The following CPED1 variants were observed in gnomAD, a reference collection of about 807,000 sequenced individuals.
The protein encoded by CPED1 is cadherin-like and PC-esterase domain-containing protein 1.
CPED1 carries 114 observed loss-of-function variants against 128.2 expected under a neutral mutation model. That is an observed-to-expected ratio of 0.89 (90% CI 0.76 to 1.04). The LOEUF is 1.04. Among genes scored for constraint, CPED1 ranks in the 50% least tolerant of loss-of-function variants. The pLI, the probability that CPED1 is intolerant of heterozygous loss-of-function variation, is 0.00. For synonymous variants in CPED1, 462 were observed against 426.7 expected (o/e 1.08, Z -1.02); for missense variants, 1,211 against 1,207.1 (o/e 1.00, Z -0.05).
chr7:121,083,944 A>T (rs186971657), intron 5 of CPED1: 17 of 152,312 alleles, frequency 1.1e-4, no homozygotes, highest in Admixed American at 9.8e-4. Flanking sequence ...GCACCCCATA[A>T]ATGCTGAGTA....
chr7:121,190,936 G>T (rs994867145), intron 16 of CPED1, among the ~76,000 whole-genome samples: 1 of 152,016 alleles, frequency 6.6e-6, no homozygotes, highest in African/African-American at 2.4e-5. Flanking sequence ...TACAAAAGTC[G>T]CACGCATACA....
In CPED1 at chr7:121,232,270, A is replaced by G. The variant is rs1798157411; in HGVS notation, c.2056-4444A>G. Among the ~76,000 whole-genome samples, 3 of 151,858 alleles carry G rather than the reference A, an allele frequency of 2.0e-5. No individual in the cohort carries two copies. The South Asian group carries it at 6.2e-4, about 32-fold the overall frequency. ...GATGGGTTTTGGGGAAGGTGAGGAGATGGAGGGAACATTGCGTGAAGCCTT... is the reference window on the plus strand; with the variant it reads ...GATGGGTTTTGGGGAAGGTGAGGAGGTGGAGGGAACATTGCGTGAAGCCTT... On this transcript the variant is annotated intron_variant, in intron 16 of 22. Transcript: ENST00000310396.
At chr7:121,101,621 G>A (rs1794852600) in intron 7 of CPED1, among the ~76,000 whole-genome samples, 1 of 152,138 alleles carries the variant, frequency 6.6e-6, no homozygotes, top group African/African-American at 2.4e-5. Context: ...GCTGGGAAAT[G>A]TATAAAGAAA....
intron 2 of CPED1, among the ~76,000 whole-genome samples, chr7:120,995,964 C>CT (rs1796395293): frequency 7.9e-6 from 1 of 126,716 alleles, no homozygotes; most frequent in Non-Finnish European, 1.6e-5. Flanking sequence ...CCTCCTCCTC[C>CT]TCCTCCTTCT....
chr7:121,029,159 A>G (rs907543771), intron 3 of CPED1, among the ~76,000 whole-genome samples: 1 of 152,156 alleles, frequency 6.6e-6, no homozygotes, highest in Non-Finnish European at 1.5e-5. Flanking sequence ...TAATGCAATC[A>G]TAACATTATT....
intron 16 of CPED1, among the ~76,000 whole-genome samples, chr7:121,206,794 T>C (rs1563065396): frequency 6.6e-6 from 1 of 151,810 alleles, no homozygotes; most frequent in East Asian, 1.9e-4. Flanking sequence ...TTACTCATAA[T>C]CCCACCACTT....
At chr7:121,201,480 G>A (rs993365300) in intron 16 of CPED1, among the ~76,000 whole-genome samples, 5 of 151,036 alleles carry the variant, frequency 3.3e-5, no homozygotes, top group South Asian at 4.2e-4. Flanking sequence ...GGGAGAGTGA[G>A]AGACAGAGAG....
chr7:121,059,426 G>A (rs1793591770), intron 4 of CPED1, among the ~76,000 whole-genome samples: 1 of 152,138 alleles, frequency 6.6e-6, no homozygotes, highest in Non-Finnish European at 1.5e-5. Flanking sequence ...TTTGGGAGAA[G>A]TTCTAATTTT....
chr7:121,001,867 C>T (rs950176973), intron 2 of CPED1, among the ~76,000 whole-genome samples: 8 of 152,008 alleles, frequency 5.3e-5, no homozygotes, highest in African/African-American at 1.9e-4. Flanking sequence ...GACACTTTAG[C>T]TGAGAGTACT....
chr7:121,152,893 A>G lies in CPED1; in HGVS notation c.2055+10752A>G, dbSNP rs1796191192. 2.6e-5 allele frequency among the ~76,000 whole-genome samples: 4 copies of G among 152,204 alleles called. No individual in the cohort carries two copies. In the South Asian group the frequency reaches 8.3e-4, roughly 31 times the overall value. On this transcript the variant is annotated intron_variant, in intron 16 of 22. Transcript: ENST00000310396. Reference sequence around the variant, plus strand: ...TTTTGTAATGAATGTGATTACAAACATTTCAGAATTGAGTGTAAATTTTGC... The same window carrying G: ...TTTTGTAATGAATGTGATTACAAACGTTTCAGAATTGAGTGTAAATTTTGC...
chr7:121,242,514 G>A (rs1278018518), intron 17 of CPED1, among the ~76,000 whole-genome samples: 1 of 152,136 alleles, frequency 6.6e-6, no homozygotes, highest in African/African-American at 2.4e-5. Context: ...TATACTTAAT[G>A]TATTAAACTT....
At chr7:121,072,099 G>C (rs1794005309) in intron 5 of CPED1, among the ~76,000 whole-genome samples, 1 of 151,200 alleles carries the variant, frequency 6.6e-6, no homozygotes, top group South Asian at 2.1e-4. Context: ...TAATCTGTCA[G>C]CTGAGGTAGA....
rs573293072 is a variant in CPED1, at chr7:121,280,749, A to T, written c.2868+9319A>T. ...TTGCATGATGTCCTGAAGTGAAATT[A>T]TGAGTTATAAGGACTAACTTCTAGC... On this transcript the variant is annotated intron_variant, in intron 22 of 22. Coordinates refer to ENST00000310396, the MANE Select transcript of CPED1 (RefSeq NM_024913.5). Among the ~76,000 whole-genome samples the T allele has an allele frequency of 2.4e-4, 35 of 145,346 alleles. No individual in the cohort carries two copies. The South Asian group carries it at 4.2e-3, about 17-fold the overall frequency.
chr7:121,189,714 A>G (rs1233890164), intron 16 of CPED1, among the ~76,000 whole-genome samples: 11 of 142,254 alleles, frequency 7.7e-5, no homozygotes. Flanking sequence ...TGGAAAAGAA[A>G]TGAAAGTGTT....
intron 12 of CPED1, among the ~76,000 whole-genome samples, chr7:121,132,961 G>A (rs767876792): frequency 6.6e-6 from 1 of 152,006 alleles, no homozygotes; most frequent in Non-Finnish European, 1.5e-5. Flanking sequence ...TATATTTGGA[G>A]CTGAATATGT....
chr7:121,052,010 A>T (rs1477157399), intron 4 of CPED1: 2 of 152,440 alleles, frequency 1.3e-5, no homozygotes, highest in Non-Finnish European at 2.9e-5. Context: ...AAGAAAAAAA[A>T]AAAGCTTTCC....
intron 2 of CPED1, among the ~76,000 whole-genome samples, chr7:121,004,714 G>A (rs1791960069): frequency 6.6e-6 from 1 of 152,086 alleles, no homozygotes; most frequent in Non-Finnish European, 1.5e-5. Flanking sequence ...GGAATTTCTA[G>A]GGGAACCCTT....
intron 4 of CPED1, among the ~76,000 whole-genome samples, chr7:121,052,927 C>T (rs1793396348): frequency 6.6e-6 from 1 of 151,980 alleles, no homozygotes; most frequent in Non-Finnish European, 1.5e-5. Context: ...CCATGTTGGC[C>T]AGGCTGGTCT....
intron 16 of CPED1, among the ~76,000 whole-genome samples, chr7:121,225,003 G>A (rs1797969387): frequency 6.6e-6 from 1 of 151,852 alleles, no homozygotes; most frequent in Non-Finnish European, 1.5e-5. Context: ...TGTGTGAATT[G>A]GAGCCTGTCA....
Sources: gnomAD v4.1 joint callset for allele counts (sites outside exome capture counted in the v4.1 genomes callset) on GRCh38, gnomAD v4.1.1 for gene constraint, MANE v1.5 for transcripts, NCBI Gene and HGNC (gene_info 2026-07-23, HGNC 2026-07-21) for gene names.